The following IGSF10 variants were observed in gnomAD, a reference collection of about 807,000 sequenced individuals.
IGSF10 encodes calvaria mechanical force protein 608.
Under a neutral mutation model 128.2 loss-of-function variants are expected in IGSF10, and 126 were observed. The ratio of observed to expected loss-of-function variants is 0.98; its 90% CI spans 0.85 to 1.14. The LOEUF (loss-of-function observed/expected upper bound fraction) is 1.14. Ranked by LOEUF, IGSF10 falls within the 50% of genes most tolerant of loss-of-function variation. The pLI, the probability that IGSF10 is intolerant of heterozygous loss-of-function variation, is 0.00. For missense variants in IGSF10, 3,295 were observed against 3,149.8 expected (o/e 1.05, Z -1.10); for synonymous variants, 1,185 against 1,146.2 (o/e 1.03, Z -0.68).
At position 151,458,712 on chromosome 3, in the gene IGSF10, T is replaced by C; in HGVS notation, c.-1-2A>G. The stretch of plus-strand genomic sequence containing the variant: ...ATTCCTCTGCCTTTTACCTTCATCC[T>C]GAAAAAACATCATACCTCAGAGTTA... On this transcript the variant is annotated splice_acceptor_variant, in intron 2 of 7. Coordinates refer to ENST00000282466, the MANE Select transcript of IGSF10 (RefSeq NM_178822.5). LOFTEE classifies it low-confidence loss of function (5UTR_SPLICE). 3.7e-6 allele frequency: 6 copies of C among 1,609,426 alleles called. No homozygotes were observed. Among genetic ancestry groups the C allele is most frequent in the Non-Finnish European group, 5.1e-6 (6 of 1,177,906 alleles).
chr3:151,468,448 G>A, the IGSF10 span, among the ~76,000 whole-genome samples: 7 of 152,294 alleles, frequency 4.6e-5, no homozygotes, highest in African/African-American at 1.4e-4. Context: ...TTTTATGTAA[G>A]AGGTCTGCCA....
chr3:151,514,027 G>A, the IGSF10 span, among the ~76,000 whole-genome samples: 19 of 152,194 alleles, frequency 1.2e-4, no homozygotes, highest in African/African-American at 2.6e-4. Flanking sequence ...AATCAATATC[G>A]TGAAAATGGC....
At chr3:151,567,496 T>A in the IGSF10 span, among the ~76,000 whole-genome samples, 1 of 152,212 alleles carries the variant, frequency 6.6e-6, no homozygotes, top group Non-Finnish European at 1.5e-5. Flanking sequence ...GTATTCCTGA[T>A]GCTCTGGCAT....
chr3:151,478,070 C>A, the IGSF10 span, among the ~76,000 whole-genome samples: 1 of 152,232 alleles, frequency 6.6e-6, no homozygotes, highest in Admixed American at 6.5e-5. Flanking sequence ...GCAGCACCAG[C>A]AGAGCAGGAA....
the IGSF10 span, among the ~76,000 whole-genome samples, chr3:151,467,693 G>A: frequency 6.6e-6 from 1 of 151,864 alleles, no homozygotes; most frequent in East Asian, 1.9e-4. Context: ...GACCGTCCTG[G>A]CTAACGCAGT....
the IGSF10 span, among the ~76,000 whole-genome samples, chr3:151,551,472 T>C: frequency 7.0e-6 from 1 of 143,674 alleles, no homozygotes; most frequent in South Asian, 2.4e-4. Context: ...CTGAGTTCAA[T>C]TGAACACAAT....
At chr3:151,508,148 A>T in the IGSF10 span, among the ~76,000 whole-genome samples, 6 of 152,150 alleles carry the variant, frequency 3.9e-5, no homozygotes, top group African/African-American at 9.7e-5. Flanking sequence ...TATGCATTTG[A>T]TGAGGAAGTT....
At chr3:151,507,997 A>G in the IGSF10 span, among the ~76,000 whole-genome samples, 1 of 152,196 alleles carries the variant, frequency 6.6e-6, no homozygotes, top group Admixed American at 6.5e-5. Flanking sequence ...AAGATTATAA[A>G]ATGGTTTTTA....
chr3:151,448,848 A>G lies in IGSF10; in HGVS notation c.1133T>C (p.Leu378Ser). 11 of 1,614,008 alleles carry G rather than the reference A, an allele frequency of 6.8e-6. No homozygotes were observed. Among genetic ancestry groups the G allele is most frequent in the Non-Finnish European group, 8.5e-6 (10 of 1,179,822 alleles). ...YGHIQPVWQI[L>S]ALYSDSPLIL... Reference sequence around the variant, plus strand: ...CAGAGGAGAATCACTGTACAAAGCCAAAATTTGCCACACTGGCTGAATGTG... The same window carrying G: ...CAGAGGAGAATCACTGTACAAAGCCGAAATTTGCCACACTGGCTGAATGTG... The change falls in exon 6 of 8, where the codon TTG becomes TCG. Residue 378 changes from leucine to serine, a missense_variant. Physicochemically the swap from Leu to Ser is moderately radical, Grantham distance 145. Transcript: ENST00000282466.
the IGSF10 span, among the ~76,000 whole-genome samples, chr3:151,601,374 A>C: frequency 6.6e-6 from 1 of 152,236 alleles, no homozygotes. Flanking sequence ...ATTGAAAATT[A>C]TGCAAAAATA....
upstream of IGSF10, among the ~76,000 whole-genome samples, chr3:151,463,098 T>G (rs2108586661): frequency 1.3e-5 from 2 of 152,362 alleles, no homozygotes; most frequent in Admixed American, 1.3e-4. Flanking sequence ...GTCATTTTCT[T>G]GCTATCAATT....
chr3:151,511,991 T>A, the IGSF10 span, among the ~76,000 whole-genome samples: 2 of 152,124 alleles, frequency 1.3e-5, no homozygotes, highest in Admixed American at 1.3e-4. Context: ...ACAAAGAGAC[T>A]TAGACTCCCA....
chr3:151,518,687 ATGT>A, the IGSF10 span, among the ~76,000 whole-genome samples: 2 of 151,920 alleles, frequency 1.3e-5, no homozygotes, highest in South Asian at 4.1e-4. Context: ...TTTATTTAAA[ATGT>A]TGTATTGAGT....
upstream of IGSF10, among the ~76,000 whole-genome samples, chr3:151,464,526 A>C (rs1722214761): frequency 6.6e-6 from 1 of 152,164 alleles, no homozygotes; most frequent in African/African-American, 2.4e-5. Flanking sequence ...AACACCAATC[A>C]ACCAAGCGCA....
the IGSF10 span, among the ~76,000 whole-genome samples, chr3:151,506,931 T>C: frequency 1.3e-5 from 2 of 152,236 alleles, no homozygotes; most frequent in South Asian, 4.1e-4. Flanking sequence ...ATTTGGTAAA[T>C]AAAGCTATTA....
chr3:151,571,952 G>A, the IGSF10 span, among the ~76,000 whole-genome samples: 9 of 152,254 alleles, frequency 5.9e-5, no homozygotes, highest in South Asian at 1.7e-3. Context: ...TTTGTCGAAG[G>A]CCTTTTCTGC....
the IGSF10 span, among the ~76,000 whole-genome samples, chr3:151,585,496 T>C: frequency 2.6e-5 from 4 of 152,328 alleles, no homozygotes; most frequent in East Asian, 5.8e-4. Context: ...TTTTAAACTA[T>C]GTACATGTCA....
chr3:151,578,882 T>C, the IGSF10 span, among the ~76,000 whole-genome samples: 128 of 152,290 alleles, frequency 8.4e-4, 1 homozygote, highest in East Asian at 0.014. Context: ...AAGACATACC[T>C]GTGAGACACA....
chr3:151,539,804 CT>C, the IGSF10 span, among the ~76,000 whole-genome samples: 5 of 151,656 alleles, frequency 3.3e-5, no homozygotes, highest in Admixed American at 2.6e-4. Flanking sequence ...ATCTATCTAT[CT>C]ATCTATCTAT....
Sources: gnomAD v4.1 joint callset for allele counts (sites outside exome capture counted in the v4.1 genomes callset) on GRCh38, gnomAD v4.1.1 for gene constraint, MANE v1.5 for transcripts, NCBI Gene and HGNC (gene_info 2026-07-23, HGNC 2026-07-21) for gene names.